Variants in IGFL2 observed in about 807,000 individuals in gnomAD.
IGFL2 encodes the protein IGF like family member 2.
Under a neutral mutation model 13.9 loss-of-function variants are expected in IGFL2, and 7 were observed. That is an observed-to-expected ratio of 0.51 (90% CI 0.29 to 0.95). The LOEUF is 0.95. Among genes scored for constraint, IGFL2 ranks in the 40% least tolerant of loss-of-function variants. The pLI is 0.08. For synonymous variants in IGFL2, 55 were observed against 55.8 expected (o/e 0.99, Z 0.07); for missense variants, 138 against 147.8 (o/e 0.93, Z 0.34).
chr19:46,089,256 C>T, the IGFL2 span, among the ~76,000 whole-genome samples: 4 of 152,038 alleles, frequency 2.6e-5, no homozygotes, highest in Admixed American at 2.0e-4. Context: ...CAAAAAAGCC[C>T]ACCTCTACAC....
intron 1 of IGFL2, chr19:46,148,918 A>G: frequency 6.4e-7 from 1 of 1,553,930 alleles, no homozygotes; most frequent in Non-Finnish European, 8.7e-7. Flanking sequence ...CCTGCCCTCG[A>G]ACCAGACCCA....
the IGFL2 span, among the ~76,000 whole-genome samples, chr19:46,110,767 A>G: frequency 1.3e-5 from 2 of 152,232 alleles, no homozygotes; most frequent in African/African-American, 4.8e-5. Context: ...TTTTGTCTTC[A>G]TTAGAACTCA....
At chr19:46,187,606 G>A in the IGFL2 span, among the ~76,000 whole-genome samples, 5 of 111,218 alleles carry the variant, frequency 4.5e-5, no homozygotes, top group African/African-American at 1.1e-4. Flanking sequence ...GCATTAACCC[G>A]TTTAAACCTG....
At chr19:46,199,710 C>T in the IGFL2 span, among the ~76,000 whole-genome samples, 1 of 152,186 alleles carries the variant, frequency 6.6e-6, no homozygotes, top group Non-Finnish European at 1.5e-5. Flanking sequence ...CCTGCTTTCT[C>T]CCACCAGCGT....
the IGFL2 span, among the ~76,000 whole-genome samples, chr19:46,101,378 A>T: frequency 2.0e-5 from 3 of 152,214 alleles, no homozygotes; most frequent in Admixed American, 2.0e-4. Context: ...CTAGGGGCTC[A>T]GGCTCAGGGA....
chr19:46,081,943 T>C, the IGFL2 span, among the ~76,000 whole-genome samples: 1 of 152,264 alleles, frequency 6.6e-6, no homozygotes, highest in Non-Finnish European at 1.5e-5. Context: ...TGTGCAGTTT[T>C]ATAGTTGTTA....
chr19:46,114,916 G>C, the IGFL2 span, among the ~76,000 whole-genome samples: 1 of 152,114 alleles, frequency 6.6e-6, no homozygotes, highest in Non-Finnish European at 1.5e-5. Context: ...AGAATCTCTG[G>C]GAGTAAGGCC....
At chr19:46,192,645 T>C in the IGFL2 span, among the ~76,000 whole-genome samples, 1 of 151,994 alleles carries the variant, frequency 6.6e-6, no homozygotes, top group Non-Finnish European at 1.5e-5. Context: ...AGTCTCGAAC[T>C]CCTGATCTTG....
chr19:46,136,726 T>C, the IGFL2 span: 2 of 534,990 alleles, frequency 3.7e-6, no homozygotes, highest in South Asian at 1.4e-5. Flanking sequence ...TTCTGAGAAC[T>C]GTTTTGCTTG....
chr19:46,142,278 A>C (rs1376653654), upstream of IGFL2, among the ~76,000 whole-genome samples: 1 of 152,220 alleles, frequency 6.6e-6, no homozygotes, highest in Non-Finnish European at 1.5e-5. Flanking sequence ...CAGAATGTAG[A>C]AACTTGCATT....
upstream of IGFL2, among the ~76,000 whole-genome samples, chr19:46,143,381 G>A (rs1394164982): frequency 6.6e-6 from 1 of 150,420 alleles, no homozygotes; most frequent in Non-Finnish European, 1.5e-5. Context: ...TTGTAGTTAC[G>A]TTTTTTGTTT....
chr19:46,197,463 C>G, the IGFL2 span: 1 of 155,750 alleles, frequency 6.4e-6, no homozygotes, highest in Non-Finnish European at 1.4e-5. Context: ...CACAACCTCA[C>G]TCTCTCAACA....
At chr19:46,086,181 C>T in the IGFL2 span, among the ~76,000 whole-genome samples, 4,343 of 152,054 alleles carry the variant, frequency 0.029, 79 homozygotes, top group Middle Eastern at 0.048. Context: ...TTAATGATAC[C>T]TATCTCTTTG....
chr19:46,194,796 C>T, the IGFL2 span, among the ~76,000 whole-genome samples: 4 of 145,812 alleles, frequency 2.7e-5, no homozygotes, highest in Non-Finnish European at 6.0e-5. Flanking sequence ...GCACTCCAGC[C>T]TGGGTGACAG....
At chr19:46,160,393 A>T (rs1568433326) in intron 1 of IGFL2, 22 bp from the exon 2 acceptor site, 2 of 1,607,412 alleles carry the variant, frequency 1.2e-6, no homozygotes, top group Non-Finnish European at 1.7e-6. Context: ...CCCATCCTTA[A>T]CCTCCTTTCT....
the IGFL2 span, among the ~76,000 whole-genome samples, chr19:46,200,473 C>CCTTTCTTTTCTTTTCTTTT: frequency 7.4e-6 from 1 of 134,278 alleles, no homozygotes; most frequent in East Asian, 2.2e-4. Flanking sequence ...CACACCTGGC[C>CCTTTCTTTTCTTTTCTTTT]CTTTTCTTTT....
chr19:46,085,271 C>G, the IGFL2 span, among the ~76,000 whole-genome samples: 1 of 152,044 alleles, frequency 6.6e-6, no homozygotes, highest in Admixed American at 6.5e-5. Context: ...CAAAACAAAA[C>G]AAAAAAACTT....
chr19:46,078,684 A>T, the IGFL2 span, among the ~76,000 whole-genome samples: 1 of 152,220 alleles, frequency 6.6e-6, no homozygotes, highest in African/African-American at 2.4e-5. Context: ...AATTCACCAC[A>T]GTCCGTCAAA....
At chr19:46,182,365 T>TAAAAAAAAAAAAAAAAAA in the IGFL2 span, among the ~76,000 whole-genome samples, 10 of 78,688 alleles carry the variant, frequency 1.3e-4, no homozygotes, top group African/African-American at 4.2e-4. Context: ...AGACTTTGCC[T>TAAAAAAAAAAAAAAAAAA]AAAAAAAAAA....
Sources: gnomAD v4.1 joint callset for allele counts (sites outside exome capture counted in the v4.1 genomes callset) on GRCh38, gnomAD v4.1.1 for gene constraint, MANE v1.5 for transcripts, NCBI Gene and HGNC (gene_info 2026-07-23, HGNC 2026-07-21) for gene names.